Variants in NEDD9 observed in about 807,000 individuals in gnomAD.
NEDD9 encodes the protein neural precursor cell expressed, developmentally down-regulated 9.
NEDD9 carries 26 observed loss-of-function variants against 76.6 expected under a neutral mutation model. The observed-to-expected ratio is 0.34, with a 90% CI of 0.25 to 0.47. The LOEUF is 0.47. NEDD9 is among the 20% of genes least tolerant of loss of function. NEDD9 has a pLI of 1.00. For synonymous variants in NEDD9, 392 were observed against 414.2 expected (o/e 0.95, Z 0.65); for missense variants, 937 against 1,058.5 (o/e 0.89, Z 1.59).
intron 1 of NEDD9, among the ~76,000 whole-genome samples, chr6:11,378,883 G>A (rs1394075346): frequency 2.0e-5 from 3 of 152,230 alleles, no homozygotes; most frequent in African/African-American, 7.2e-5. Context: ...TCACATTGCT[G>A]AGTTACATCG....
chr6:11,200,646 A>G (rs1416772495), intron 2 of NEDD9: 34 of 1,150,882 alleles, frequency 3.0e-5, no homozygotes, highest in Non-Finnish European at 3.3e-5. Flanking sequence ...AGTCAGATAG[A>G]AAGAAATCAA....
chr6:11,306,088 T>C (rs774277658), exon 3 of NEDD9: 60 of 1,490,966 alleles, frequency 4.0e-5, no homozygotes, highest in Non-Finnish European at 5.2e-5. Context: ...TTCGTTTTCA[T>C]AACTCTACTT....
chr6:11,307,511 T>C (rs527441249), intron 2 of NEDD9, among the ~76,000 whole-genome samples: 23 of 152,260 alleles, frequency 1.5e-4, no homozygotes, highest in African/African-American at 5.5e-4. Context: ...CCTGTCTGTC[T>C]ATTGCTTCTT....
intron 3 of NEDD9, among the ~76,000 whole-genome samples, chr6:11,262,562 C>T (rs747947096): frequency 3.3e-5 from 5 of 152,132 alleles, no homozygotes; most frequent in East Asian, 1.9e-4. Context: ...GTGGTTGGAA[C>T]GGGGAAATAT....
In NEDD9 at chr6:11,199,637, C is replaced by CTTTTTTTTTTTTTTTTTTTT. The variant is rs59651160; in HGVS notation, c.460-5965_460-5946dup. The CTTTTTTTTTTTTTTTTTTTT allele has an allele frequency of 1.4e-4, 6 of 43,110 alleles. 1 individual carries two copies. Among genetic ancestry groups the CTTTTTTTTTTTTTTTTTTTT allele is most frequent in the Non-Finnish European group, 2.1e-4 (5 of 23,372 alleles). The allele number at this position is 43,110 out of a possible 1,614,324, so 2.7% of individuals were successfully genotyped here. A position where few individuals can be genotyped will look rare whatever the true frequency, so the allele number is the denominator to read the frequency against. ...AAAATGAAGAAAAGCTAGGAAAGAT[C>CTTTTTTTTTTTTTTTTTTTT]TTTTTTTTTTTTTTTTTTTTTTTTT... On this transcript the variant is annotated intron_variant, in intron 2 of 6. Transcript: ENST00000379446.
At position 11,183,710 on chromosome 6, in the gene NEDD9, A is replaced by T. The variant is rs1757909162; in HGVS notation, c.*1452T>A. 1 of 152,068 alleles carries T rather than the reference A, an allele frequency of 6.6e-6. No homozygotes were observed. The highest frequency in any genetic ancestry group is 1.5e-5 in the Non-Finnish European group (1 of 68,020). The allele number at this position is 152,068 out of a possible 1,614,324, so 9.4% of individuals were successfully genotyped here. Reference sequence around the variant, plus strand: ...TTTTAAATCCTTTTCTGTTCCAATGATTTGGTTGTTTAAAACAAGCAAGCT... The same window carrying T: ...TTTTAAATCCTTTTCTGTTCCAATGTTTTGGTTGTTTAAAACAAGCAAGCT... On this transcript the variant is annotated 3_prime_UTR_variant, in exon 7 of 7. Transcript: ENST00000379446.
At chr6:11,319,047 T>C (rs976534423) in intron 2 of NEDD9, among the ~76,000 whole-genome samples, 1 of 152,252 alleles carries the variant, frequency 6.6e-6, no homozygotes, top group African/African-American at 2.4e-5. Flanking sequence ...GCCTTGTTTT[T>C]ATAATGCTTT....
At position 11,254,318 on chromosome 6, in the gene NEDD9, G is replaced by T. The variant is rs538505910; in HGVS notation, c.13-40591C>A. Among the ~76,000 whole-genome samples, 3 of 151,938 alleles carry T rather than the reference G, an allele frequency of 2.0e-5. No individual in the cohort carries two copies. In the South Asian group the frequency reaches 6.3e-4, roughly 32 times the overall value. On this transcript the variant is annotated intron_variant, in intron 3 of 3. Transcript: ENST00000397378. ...GTATTTTTAGTAGAGATGGGGTTTC[G>T]CCATATTGGCCAGGCTGGTCTTGAA...
intron 1 of NEDD9, among the ~76,000 whole-genome samples, chr6:11,335,327 CT>C (rs1423506657): frequency 1.4e-4 from 21 of 152,208 alleles, no homozygotes; most frequent in Admixed American, 1.4e-3. Flanking sequence ...GTCATGGTCA[CT>C]GTTTGGTAGT....
intron 1 of NEDD9, among the ~76,000 whole-genome samples, chr6:11,227,041 T>A (rs1317187156): frequency 1.3e-5 from 2 of 152,242 alleles, no homozygotes; most frequent in Non-Finnish European, 2.9e-5. Flanking sequence ...CTTAAATGGC[T>A]ATTTGTGTAT....
intron 2 of NEDD9, among the ~76,000 whole-genome samples, chr6:11,311,482 G>C (rs143413738): frequency 6.6e-6 from 1 of 152,190 alleles, no homozygotes; most frequent in Non-Finnish European, 1.5e-5. Flanking sequence ...GCAGTCTGTG[G>C]TGCTTTGTGA....
Position 11,376,349 on chromosome 6 carries a change from G to C in NEDD9, c.-214+5790C>G, listed in dbSNP as rs150121687. 4.4e-3 allele frequency among the ~76,000 whole-genome samples: 675 copies of C among 152,340 alleles called. 3 individuals carry two copies. The highest frequency in any genetic ancestry group is 0.015 in the African/African-American group (622 of 41,578). ...GAGGGAAAGTTTGGAACTTCTTAGA[G>C]ACTGGTTAAATGGTTGTGACCAAAA... is the stretch of plus-strand genomic sequence containing the variant. On this transcript the variant is annotated intron_variant, in intron 1 of 3. Coordinates refer to the NEDD9 transcript ENST00000397378.
intron 2 of NEDD9, among the ~76,000 whole-genome samples, chr6:11,324,078 C>T (rs3734406): frequency 0.017 from 2,652 of 152,254 alleles, 70 homozygotes; most frequent in African/African-American, 0.047. Context: ...ACAAGGATGC[C>T]GGGGAGGGCA....
chr6:11,216,966 C>G (rs1581963195), intron 1 of NEDD9, among the ~76,000 whole-genome samples: 2 of 152,266 alleles, frequency 1.3e-5, no homozygotes, highest in East Asian at 3.9e-4. Flanking sequence ...GAGTATCTGC[C>G]TACAAACAGC....
chr6:11,216,789 C>T (rs1463467851), intron 1 of NEDD9, among the ~76,000 whole-genome samples: 1 of 152,214 alleles, frequency 6.6e-6, no homozygotes, highest in Non-Finnish European at 1.5e-5. Flanking sequence ...GCCTTGCCTC[C>T]TTTCCATTTG....
chr6:11,380,798 G>A lies in NEDD9; in HGVS notation c.-214+1341C>T, dbSNP rs968914040. On this transcript the variant is annotated intron_variant, in intron 1 of 3. Transcript: ENST00000397378. ...CTGCTTTTATATCTTCCTAGTCATC[G>A]TCTTCTTCTTCTTCTTCTTCTTCTT... Among the ~76,000 whole-genome samples the A allele has an allele frequency of 7.3e-5, 11 of 150,682 alleles. No homozygotes were observed. In the East Asian group the frequency reaches 1.8e-3, roughly 24 times the overall value.
chr6:11,193,524 C>G (rs1434788424), intron 3 of NEDD9, 67 bp downstream of exon 3: 3 of 1,263,772 alleles, frequency 2.4e-6, no homozygotes, highest in Non-Finnish European at 3.4e-6. Flanking sequence ...TCCCTTTTCT[C>G]TACAGCCCTG....
At chr6:11,276,152 A>T (rs2113349891) in intron 3 of NEDD9, among the ~76,000 whole-genome samples, 1 of 152,370 alleles carries the variant, frequency 6.6e-6, no homozygotes, top group African/African-American at 2.4e-5. Context: ...AAACAGAGAT[A>T]GATTAAGAAA....
chr6:11,364,670 A>G (rs576692906), intron 1 of NEDD9, among the ~76,000 whole-genome samples: 8 of 150,354 alleles, frequency 5.3e-5, no homozygotes, highest in Non-Finnish European at 1.2e-4. Flanking sequence ...GTGTTCACTC[A>G]GTACATATTA....
Sources: gnomAD v4.1 joint callset for allele counts (sites outside exome capture counted in the v4.1 genomes callset) on GRCh38, gnomAD v4.1.1 for gene constraint, MANE v1.5 for transcripts, NCBI Gene and HGNC (gene_info 2026-07-23, HGNC 2026-07-21) for gene names.